Variants in TAAR1 observed in about 807,000 individuals in gnomAD.
TAAR1 encodes the protein trace amine associated receptor 1, also known as trace amine-associated receptor 1.
Under a neutral mutation model 1.2 loss-of-function variants are expected in TAAR1, and 1 was observed. The ratio of observed to expected loss-of-function variants is 0.81; its 90% CI spans 0.29 to 3.86. TAAR1 has a LOEUF of 3.86. TAAR1 is among the 30% of genes most tolerant of loss of function. The probability of loss-of-function intolerance (pLI) is 0.18; values close to 1 mark genes in which losing one functional copy is unlikely to be tolerated. For missense variants in TAAR1, 445 were observed against 405.6 expected (o/e 1.10, Z -0.83); for synonymous variants, 153 against 132.2 (o/e 1.16, Z -1.08).
intron 1 of TAAR1, among the ~76,000 whole-genome samples, chr6:132,651,696 C>A (rs907888755): frequency 1.3e-5 from 2 of 152,162 alleles, no homozygotes; most frequent in Admixed American, 1.3e-4. Context: ...AGCTGGTTCC[C>A]CTGCTTCTTC....
chr6:132,645,578 C>T lies in TAAR1; in HGVS notation c.426G>A (p.Val142=). ...KAKMNILVIC[V]MIFISWSVPA... ...GGACACTCCAACTAATGAAGATCAT[C>T]ACACAAATAACCAAGATATTCATCT... The change falls in exon 2 of 2, where the codon GTG becomes GTA. Residue 142 remains valine, a synonymous_variant. Transcript: ENST00000275216. The T allele has an allele frequency of 1.9e-6, 3 of 1,613,652 alleles. No individual in the cohort carries two copies.
intron 1 of TAAR1, among the ~76,000 whole-genome samples, chr6:132,652,452 G>A (rs757997281): frequency 6.0e-5 from 9 of 150,826 alleles, no homozygotes; most frequent in South Asian, 2.1e-4. Context: ...GATTACAGGC[G>A]CACACCACCA....
intron 1 of TAAR1, among the ~76,000 whole-genome samples, chr6:132,646,948 A>C (rs1486896291): frequency 6.6e-6 from 1 of 152,128 alleles, no homozygotes; most frequent in African/African-American, 2.4e-5. Flanking sequence ...ATTTTCATAT[A>C]AGAATTTATG....
chr6:132,650,291 A>G (rs1159851870), intron 1 of TAAR1, among the ~76,000 whole-genome samples: 2 of 152,092 alleles, frequency 1.3e-5, no homozygotes, highest in South Asian at 4.1e-4. Flanking sequence ...CTCTTTACTC[A>G]GTTTAGATTC....
At chr6:132,653,413 G>A (rs1777768265) in intron 1 of TAAR1, among the ~76,000 whole-genome samples, 1 of 152,182 alleles carries the variant, frequency 6.6e-6, no homozygotes, top group Non-Finnish European at 1.5e-5. Flanking sequence ...TTTGACCCAG[G>A]CAGAAGCCAC....
chr6:132,647,090 C>T (rs544881289), intron 1 of TAAR1, among the ~76,000 whole-genome samples: 3 of 151,966 alleles, frequency 2.0e-5, no homozygotes, highest in African/African-American at 7.3e-5. Context: ...GAGGTGAGAG[C>T]CCAGGGAAGC....
Position 132,650,979 on chromosome 6 carries a change from C to T in TAAR1, c.-126-4850G>A, listed in dbSNP as rs184621975. On this transcript the variant is annotated intron_variant, in intron 1 of 1. Coordinates refer to ENST00000275216, the MANE Select transcript of TAAR1 (RefSeq NM_138327.4). ...CTCCCTGTCTCTAATTCCTCTAATC[C>T]TATCTCTTAAAATTCACTGTAATGA... 1.1e-4 allele frequency among the ~76,000 whole-genome samples: 16 copies of T among 151,658 alleles called. No homozygotes were observed. The East Asian group carries it at 2.3e-3, about 22-fold the overall frequency.
intron 1 of TAAR1, among the ~76,000 whole-genome samples, chr6:132,649,152 A>G (rs191165271): frequency 6.6e-6 from 1 of 152,220 alleles, no homozygotes; most frequent in Non-Finnish European, 1.5e-5. Flanking sequence ...TTCCTAATCC[A>G]AACCAATTTC....
intron 1 of TAAR1, among the ~76,000 whole-genome samples, chr6:132,656,515 G>A (rs1362411864): frequency 6.6e-6 from 1 of 152,078 alleles, no homozygotes; most frequent in Non-Finnish European, 1.5e-5. Flanking sequence ...AAGCTCCAAG[G>A]CCTGAAAATA....
chr6:132,645,278 T>A lies in TAAR1; in HGVS notation c.726A>T (p.Ser242=), dbSNP rs185854577. 1 of 1,613,770 alleles carries A rather than the reference T, an allele frequency of 6.2e-7. No homozygotes were observed. The highest frequency in any genetic ancestry group is 1.3e-5 in the African/African-American group (1 of 75,024). ...QIGLEMKNGI[S]QSKERKAVKT... ...TCACAGCTTTCCTTTCTTTGCTTTG[T>A]GAAATTCCATTTTTCATTTCCAATC... The change falls in exon 2 of 2, where the codon TCA becomes TCT. Residue 242 remains serine (S), a synonymous_variant. Coordinates refer to ENST00000275216, the MANE Select transcript of TAAR1 (RefSeq NM_138327.4).
chr6:132,649,039 CAGA>C, intron 1 of TAAR1, among the ~76,000 whole-genome samples: 1 of 152,272 alleles, frequency 6.6e-6, no homozygotes, highest in African/African-American at 2.4e-5. Flanking sequence ...AACTTTCCAA[CAGA>C]AGGTCATGAA....
At chr6:132,651,229 C>G (rs914703841) in intron 1 of TAAR1, among the ~76,000 whole-genome samples, 2 of 152,206 alleles carry the variant, frequency 1.3e-5, no homozygotes, top group Admixed American at 6.5e-5. Context: ...CTCACTGGCA[C>G]TAAGTCTCAG....
rs1247622367 is a variant in TAAR1 at position 132,644,854 on chromosome 6, T to C, written c.*130A>G. 4.3e-6 allele frequency: 3 copies of C among 698,330 alleles called. No individual in the cohort carries two copies. Among genetic ancestry groups the C allele is most frequent in the Non-Finnish European group, 6.9e-6 (3 of 435,002 alleles). 43.3% of individuals were successfully genotyped at this position (698,330 alleles called of 1,614,324 possible). Reference sequence around the variant, plus strand: ...TTACCTATAAGCATCATAATTTAACTCACCATACATACTTTGACTCAAGTA... The same window carrying C: ...TTACCTATAAGCATCATAATTTAACCCACCATACATACTTTGACTCAAGTA... On this transcript the variant is annotated 3_prime_UTR_variant, in exon 2 of 2. Coordinates refer to ENST00000275216, the MANE Select transcript of TAAR1 (RefSeq NM_138327.4).
chr6:132,649,522 A>C (rs1211701857), intron 1 of TAAR1, among the ~76,000 whole-genome samples: 1 of 152,172 alleles, frequency 6.6e-6, no homozygotes, highest in African/African-American at 2.4e-5. Flanking sequence ...GAACTGCCTG[A>C]GACTGGGTAA....
chr6:132,651,984 A>T (rs961508546), intron 1 of TAAR1, among the ~76,000 whole-genome samples: 4 of 152,224 alleles, frequency 2.6e-5, no homozygotes, highest in Non-Finnish European at 5.9e-5. Flanking sequence ...GTAATCCTAC[A>T]GTAGTGTGTG....
In TAAR1 at chr6:132,645,980, T is replaced by C. The variant is rs1777668144; in HGVS notation, c.24A>G (p.Ile8Met). 1 of 1,600,622 alleles carries C rather than the reference T, an allele frequency of 6.2e-7. No homozygotes were observed. The highest frequency in any genetic ancestry group is 1.3e-5 in the African/African-American group (1 of 74,550). ...TGTTTTTCACACAGGAAATATTAATTATATTGTGGCAAAAGGGCATCATTC... is the reference window on the plus strand; with the variant it reads ...TGTTTTTCACACAGGAAATATTAATCATATTGTGGCAAAAGGGCATCATTC... MMPFCHN[I>M]INISCVKNNW... is the part of the protein sequence containing the mutation. Residue 8 changes from isoleucine to methionine, a missense_variant, in exon 2 of 2, where the codon ATA becomes ATG. Coordinates refer to ENST00000275216, the MANE Select transcript of TAAR1 (RefSeq NM_138327.4).
chr6:132,655,668 GT>G (rs1777798360), intron 1 of TAAR1, among the ~76,000 whole-genome samples: 1 of 152,232 alleles, frequency 6.6e-6, no homozygotes, highest in African/African-American at 2.4e-5. Flanking sequence ...TTTTCTAACA[GT>G]ATCACTCCGA....
intron 1 of TAAR1, among the ~76,000 whole-genome samples, chr6:132,653,211 G>A (rs1247319707): frequency 1.3e-5 from 2 of 152,170 alleles, no homozygotes; most frequent in Non-Finnish European, 2.9e-5. Context: ...TGACAGTGGA[G>A]TGGCCTGTAG....
In TAAR1 at chr6:132,646,020, T is replaced by G. The variant is rs766744722; in HGVS notation, c.-17A>C. The G allele has an allele frequency of 1.9e-6, 3 of 1,561,008 alleles. No individual in the cohort carries two copies. The highest frequency in any genetic ancestry group is 2.7e-5 in the African/African-American group (2 of 73,130). ...GGGCATCATTCCTGAGGGCTGTCAA[T>G]CAGTTTACTTTTCCCTTTGTGTGTT... On this transcript the variant is annotated 5_prime_UTR_variant, in exon 2 of 2. Coordinates refer to ENST00000275216, the MANE Select transcript of TAAR1 (RefSeq NM_138327.4).
Sources: allele counts gnomAD v4.1 joint callset (sites outside exome capture counted in the v4.1 genomes callset), GRCh38; gene constraint gnomAD v4.1.1; transcripts MANE v1.5; gene names NCBI Gene and HGNC (gene_info 2026-07-23, HGNC 2026-07-21).